Variants in PCDHGA10 observed in about 807,000 individuals in gnomAD.
PCDHGA10 encodes protocadherin gamma-A10.
PCDHGA10 carries 42 observed loss-of-function variants against 59.5 expected under a neutral mutation model. The ratio of observed to expected loss-of-function variants is 0.71; its 90% CI spans 0.55 to 0.91. The LOEUF is 0.91. PCDHGA10 is among the 40% of genes least tolerant of loss of function. PCDHGA10 has a pLI of 0.00. For missense variants in PCDHGA10, 1,111 were observed against 1,198.2 expected, an observed-to-expected ratio of 0.93 and a Z score of 1.07; for synonymous variants, 511 against 517.2, an observed-to-expected ratio of 0.99 and a Z score of 0.16.
At chr5:141,484,506 G>T (rs1442936814) in intron 1 of PCDHGA10, among the ~76,000 whole-genome samples, 1 of 152,186 alleles carries the variant, frequency 6.6e-6, no homozygotes, top group Non-Finnish European at 1.5e-5. Context: ...TGAATATTCT[G>T]CAGAAGGGCA....
intron 2 of PCDHGA10, among the ~76,000 whole-genome samples, chr5:141,502,894 G>C (rs1342496006): frequency 6.8e-6 from 1 of 147,968 alleles, no homozygotes; most frequent in Non-Finnish European, 1.5e-5. Context: ...AGGGAGTCTA[G>C]CTCTGTTGCC....
chr5:141,498,713 C>T (rs1216279302), intron 2 of PCDHGA10, among the ~76,000 whole-genome samples: 1 of 152,148 alleles, frequency 6.6e-6, no homozygotes, highest in East Asian at 1.9e-4. Flanking sequence ...GGGTGGATCA[C>T]CTGAGGTCAG....
chr5:141,425,794 G>A (rs915736198), intron 1 of PCDHGA10, among the ~76,000 whole-genome samples: 23 of 152,074 alleles, frequency 1.5e-4, no homozygotes, highest in Non-Finnish European at 2.2e-4. Context: ...CTTCCAATAT[G>A]TGCATTGCTT....
At chr5:141,457,607 T>C (rs578113551) in intron 1 of PCDHGA10, among the ~76,000 whole-genome samples, 2 of 152,360 alleles carry the variant, frequency 1.3e-5, no homozygotes, top group African/African-American at 4.8e-5. Context: ...AAACTAATTA[T>C]GAATGAACTT....
chr5:141,465,781 T>G (rs2099109506), intron 1 of PCDHGA10, among the ~76,000 whole-genome samples: 1 of 150,278 alleles, frequency 6.7e-6, no homozygotes, highest in Non-Finnish European at 1.5e-5. Context: ...TTGTTACAGT[T>G]TTTTTTTTTT....
intron 1 of PCDHGA10, chr5:141,419,209 G>C: frequency 6.2e-7 from 1 of 1,613,900 alleles, no homozygotes; most frequent in Admixed American, 1.7e-5. Context: ...ACAACGCGCC[G>C]GTTTTCGGAC....
chr5:141,494,705 G>C, intron 1 of PCDHGA10, 102 bp from the exon 2 acceptor site: 1 of 1,597,990 alleles, frequency 6.3e-7, no homozygotes, highest in Non-Finnish European at 8.6e-7. Flanking sequence ...TTTCTTCTCT[G>C]TGCCCACTCC....
Position 141,491,819 on chromosome 5 carries a change from G to C in PCDHGA10, c.2437-2988G>C. The C allele has an allele frequency of 6.7e-7, 1 of 1,482,028 alleles. No individual in the cohort carries two copies. Among genetic ancestry groups the C allele is most frequent in the Non-Finnish European group, 9.0e-7 (1 of 1,116,648 alleles). The allele number at this position is 1,482,028 out of a possible 1,614,324, so 91.8% of individuals were successfully genotyped here. A position where few individuals can be genotyped will look rare whatever the true frequency, so the allele number is the denominator to read the frequency against. On this transcript the variant is annotated intron_variant, in intron 1 of 3. Transcript: ENST00000398610. This position sits in a 1 kb window ranked among gnomAD's most constrained non-coding sequence, Gnocchi z 6.9. ...TCCGGCCGGCTTGGTCGCTGGCTGCGCTCCACCCGATTCTCGGGATCATTG... is the reference window on the plus strand; with the variant it reads ...TCCGGCCGGCTTGGTCGCTGGCTGCCCTCCACCCGATTCTCGGGATCATTG...
intron 1 of PCDHGA10, 88 bp from the exon 2 acceptor site, chr5:141,494,719 C>T: frequency 6.2e-7 from 1 of 1,605,960 alleles, no homozygotes; most frequent in Non-Finnish European, 8.5e-7. Flanking sequence ...CCACTCCCCT[C>T]CTTCTCTCCC....
intron 1 of PCDHGA10, among the ~76,000 whole-genome samples, chr5:141,465,094 G>GT (rs138941665): frequency 0.11 from 15,577 of 148,094 alleles, 909 homozygotes; most frequent in African/African-American, 0.15. Flanking sequence ...TTTTCTAGTA[G>GT]TTTTTTTTTT....
Position 141,487,463 on chromosome 5 carries a change from G to T in PCDHGA10, c.2437-7344G>T, listed in dbSNP as rs754798527. 1 of 1,614,136 alleles carries T rather than the reference G, an allele frequency of 6.2e-7. No homozygotes were observed. The highest frequency in any genetic ancestry group is 1.7e-5 in the Admixed American group (1 of 60,016). ...GTCAGATGACCCTATCAAGTTTGTT[G>T]ATGTGGGAGGCCACTCTCATGGCTG... On this transcript the variant is annotated intron_variant, in intron 1 of 3. Coordinates refer to ENST00000398610, the MANE Select transcript of PCDHGA10 (RefSeq NM_018913.3). The surrounding 1 kb of genome is among the most constrained non-coding windows in gnomAD (Gnocchi z 5.0).
At chr5:141,464,916 T>C (rs1298310554) in intron 1 of PCDHGA10, among the ~76,000 whole-genome samples, 1 of 152,024 alleles carries the variant, frequency 6.6e-6, no homozygotes, top group Non-Finnish European at 1.5e-5. Flanking sequence ...TTTTTTTATT[T>C]TTTTGTAGAG....
chr5:141,429,592 T>C (rs2097226711), intron 1 of PCDHGA10, among the ~76,000 whole-genome samples: 1 of 152,234 alleles, frequency 6.6e-6, no homozygotes, highest in Non-Finnish European at 1.5e-5. Flanking sequence ...ATTCTTGTAA[T>C]TCAAGTAAAC....
chr5:141,456,312 GCTC>G (rs2098849548), intron 1 of PCDHGA10, among the ~76,000 whole-genome samples: 1 of 152,126 alleles, frequency 6.6e-6, no homozygotes, highest in Admixed American at 6.6e-5. Context: ...AGCAGCTAGG[GCTC>G]CTCCTGGGGT....
chr5:141,422,359 G>A, intron 1 of PCDHGA10: 1 of 1,558,858 alleles, frequency 6.4e-7, no homozygotes, highest in Non-Finnish European at 8.6e-7. Flanking sequence ...TCAAGATTCT[G>A]GAGAAAATGG....
rs1423149 is a variant in PCDHGA10, at chr5:141,487,780, C to G, written c.2437-7027C>G. ...TAGACGCTGTGCTTTGTAACTGTTTCGTGAATTAACCAGAGTTGTCACAGT... is the reference window on the plus strand; with the variant it reads ...TAGACGCTGTGCTTTGTAACTGTTTGGTGAATTAACCAGAGTTGTCACAGT... On this transcript the variant is annotated intron_variant, in intron 1 of 3. Transcript: ENST00000398610. This position sits in a 1 kb window ranked among gnomAD's most constrained non-coding sequence, Gnocchi z 5.0. 6.6e-7 allele frequency: 1 copy of G among 1,526,704 alleles called. No individual in the cohort carries two copies. The allele number at this position is 1,526,704 out of a possible 1,614,324, so 94.6% of individuals were successfully genotyped here. A position where few individuals can be genotyped will look rare whatever the true frequency, so the allele number is the denominator to read the frequency against.
intron 1 of PCDHGA10, among the ~76,000 whole-genome samples, chr5:141,481,109 A>G (rs959629019): frequency 6.6e-6 from 1 of 152,186 alleles, no homozygotes; most frequent in Non-Finnish European, 1.5e-5. Flanking sequence ...GGAACCTACC[A>G]ATCCATCATT....
intron 1 of PCDHGA10, chr5:141,426,908 G>C (rs1047101179): frequency 8.8e-6 from 4 of 456,612 alleles, no homozygotes; most frequent in African/African-American, 6.0e-5. Context: ...CTCATCTCCT[G>C]GTCCTGGAAG....
intron 1 of PCDHGA10, chr5:141,418,786 TGAA>T: frequency 1.2e-6 from 2 of 1,613,854 alleles, no homozygotes; most frequent in Non-Finnish European, 8.5e-7. Flanking sequence ...CTTTGGATTT[TGAA>T]GAAGTAGAAA....
Sources: allele counts gnomAD v4.1 joint callset (sites outside exome capture counted in the v4.1 genomes callset), GRCh38; gene constraint gnomAD v4.1.1; non-coding constraint Gnocchi (gnomAD v3.1); transcripts MANE v1.5; gene names NCBI Gene and HGNC (gene_info 2026-07-23, HGNC 2026-07-21).